GALNT13: variants seen among roughly 807,000 people sequenced by gnomAD.
The protein encoded by GALNT13 is polypeptide N-acetylgalactosaminyltransferase 13, also known as UDP-GalNAc:polypeptide N-acetylgalactosaminyltransferase 13.
GALNT13 carries 28 observed loss-of-function variants against 64.2 expected under a neutral mutation model. The observed-to-expected ratio is 0.44, with a 90% CI of 0.32 to 0.60. GALNT13 has a LOEUF of 0.60. Ranked by LOEUF, GALNT13 falls within the 20% of genes least tolerant of loss-of-function variation. The probability of loss-of-function intolerance (pLI) is 0.05; values close to 1 mark genes in which losing one functional copy is unlikely to be tolerated. For missense variants in GALNT13, 577 were observed against 669.8 expected, an observed-to-expected ratio of 0.86 and a Z score of 1.53; for synonymous variants, 214 against 224.6, an observed-to-expected ratio of 0.95 and a Z score of 0.42.
At chr2:153,075,366 AAC>A in the GALNT13 span, among the ~76,000 whole-genome samples, 1 of 152,184 alleles carries the variant, frequency 6.6e-6, no homozygotes, top group African/African-American at 2.4e-5. Flanking sequence ...TTCCAGTTCA[AAC>A]ACAGGACTAA....
the GALNT13 span, among the ~76,000 whole-genome samples, chr2:153,335,064 C>T: frequency 2.1e-3 from 314 of 152,270 alleles, 2 homozygotes; most frequent in African/African-American, 7.3e-3. Flanking sequence ...TTGCTTCTTC[C>T]TCATTTTTTC....
chr2:153,233,176 A>G, the GALNT13 span, among the ~76,000 whole-genome samples: 1 of 152,148 alleles, frequency 6.6e-6, no homozygotes, highest in African/African-American at 2.4e-5. Flanking sequence ...GTCTAAAATC[A>G]TTTTGCCTTC....
In GALNT13 at chr2:154,032,049, A is replaced by C. The variant is rs1370722007; in HGVS notation, c.142+87410A>C. Among the ~76,000 whole-genome samples, 4 of 152,056 alleles carry C rather than the reference A, an allele frequency of 2.6e-5. No homozygotes were observed. In the East Asian group the frequency reaches 5.8e-4, roughly 22 times the overall value. Reference sequence around the variant, plus strand: ...AAAACTAAAATTCATGATCTAATCTACCATCCTAAGATACTATAAAAGTAA... The same window carrying C: ...AAAACTAAAATTCATGATCTAATCTCCCATCCTAAGATACTATAAAAGTAA... On this transcript the variant is annotated intron_variant, in intron 3 of 12. Transcript: ENST00000392825.
At chr2:154,132,474 T>G (rs1022070016) in intron 3 of GALNT13, among the ~76,000 whole-genome samples, 3 of 152,162 alleles carry the variant, frequency 2.0e-5, no homozygotes, top group Non-Finnish European at 1.5e-5. Flanking sequence ...ATAGTTTTCT[T>G]ATATGAATGC....
the GALNT13 span, among the ~76,000 whole-genome samples, chr2:153,181,884 A>G: frequency 5.4e-5 from 8 of 147,224 alleles, no homozygotes; most frequent in African/African-American, 2.0e-4. Context: ...ATATAAACAT[A>G]TTTATATAGT....
the GALNT13 span, among the ~76,000 whole-genome samples, chr2:153,631,206 G>T: frequency 6.6e-6 from 1 of 151,954 alleles, no homozygotes; most frequent in African/African-American, 2.4e-5. Flanking sequence ...AATTCAGTCT[G>T]TCGTTGTTGG....
chr2:154,394,077 C>CAAAAAAA (rs369267777), intron 9 of GALNT13, among the ~76,000 whole-genome samples: 713 of 31,972 alleles, frequency 0.022, 135 homozygotes, highest in East Asian at 0.069. Flanking sequence ...GACTCCGTCT[C>CAAAAAAA]AAAAAAAAAA....
At chr2:153,870,814 C>A (rs1281788629), upstream of GALNT13, among the ~76,000 whole-genome samples, 1 of 151,152 alleles carries the variant, frequency 6.6e-6, no homozygotes, top group African/African-American at 2.4e-5. Context: ...TATATCCTCC[C>A]CCAATTCTGC....
At chr2:153,934,000 C>G (rs908584104) in intron 2 of GALNT13, among the ~76,000 whole-genome samples, 14 of 152,004 alleles carry the variant, frequency 9.2e-5, no homozygotes, top group African/African-American at 3.4e-4. Flanking sequence ...AGGTCACCTG[C>G]CTCTCCTCTC....
chr2:153,989,762 G>A (rs1695040072), intron 3 of GALNT13, among the ~76,000 whole-genome samples: 1 of 152,012 alleles, frequency 6.6e-6, no homozygotes, highest in Non-Finnish European at 1.5e-5. Flanking sequence ...ATATGTCAGG[G>A]ATTTAGTTGG....
the GALNT13 span, among the ~76,000 whole-genome samples, chr2:153,304,773 C>T: frequency 6.6e-6 from 1 of 152,120 alleles, no homozygotes; most frequent in Non-Finnish European, 1.5e-5. Context: ...GTACTCCAGC[C>T]CATCGGTATT....
At chr2:153,102,941 A>G in the GALNT13 span, among the ~76,000 whole-genome samples, 2 of 152,260 alleles carry the variant, frequency 1.3e-5, no homozygotes, top group South Asian at 4.1e-4. Context: ...CATAACCAGT[A>G]AGAGGTATAG....
At chr2:153,371,094 T>C in the GALNT13 span, 4 of 186,594 alleles carry the variant, frequency 2.1e-5, no homozygotes, top group Non-Finnish European at 4.6e-5. Context: ...TGATTCTAAA[T>C]ATACGGTTTT....
At chr2:153,469,550 T>C in the GALNT13 span, among the ~76,000 whole-genome samples, 1 of 152,102 alleles carries the variant, frequency 6.6e-6, no homozygotes, top group Non-Finnish European at 1.5e-5. Flanking sequence ...CAATGACGGT[T>C]CAATTTCCAT....
chr2:153,177,091 G>C, the GALNT13 span, among the ~76,000 whole-genome samples: 1 of 136,848 alleles, frequency 7.3e-6, no homozygotes, highest in Admixed American at 7.1e-5. Flanking sequence ...ATGTAGGTAA[G>C]TACAAATAGC....
At chr2:154,223,598 T>G (rs1283863619) in intron 4 of GALNT13, among the ~76,000 whole-genome samples, 2 of 151,812 alleles carry the variant, frequency 1.3e-5, no homozygotes, top group African/African-American at 4.8e-5. Context: ...ATTACAGATA[T>G]GTGCCACCAT....
chr2:153,920,457 C>A (rs1186151465), intron 2 of GALNT13, among the ~76,000 whole-genome samples: 1 of 152,016 alleles, frequency 6.6e-6, no homozygotes, highest in Non-Finnish European at 1.5e-5. Flanking sequence ...TGGGCCCTTT[C>A]TTTATACTAC....
At chr2:154,194,855 C>G (rs1686792239) in intron 4 of GALNT13, among the ~76,000 whole-genome samples, 1 of 132,238 alleles carries the variant, frequency 7.6e-6, no homozygotes, top group Non-Finnish European at 1.6e-5. Flanking sequence ...GACTCTAGAG[C>G]TGTATTTTTT....
At chr2:153,725,485 TA>T in the GALNT13 span, among the ~76,000 whole-genome samples, 14,198 of 149,416 alleles carry the variant, frequency 0.095, 790 homozygotes, top group South Asian at 0.18. Context: ...ATAGTAATAA[TA>T]AAAAAAAAGA....
Sources: allele counts gnomAD v4.1 joint callset (sites outside exome capture counted in the v4.1 genomes callset), GRCh38; gene constraint gnomAD v4.1.1; transcripts MANE v1.5; gene names NCBI Gene and HGNC (gene_info 2026-07-23, HGNC 2026-07-21).